Variants in JHY observed in about 807,000 individuals in gnomAD.
The protein encoded by JHY is jhy protein homolog.
Under a neutral mutation model 78.0 loss-of-function variants are expected in JHY, and 69 were observed. The observed-to-expected ratio is 0.88, with a 90% CI of 0.73 to 1.08. The LOEUF is 1.08. Ranked by LOEUF, JHY falls within the 50% of genes least tolerant of loss-of-function variation. The pLI is 0.00. For synonymous variants in JHY, 368 were observed against 342.6 expected (o/e 1.07, Z -0.82); for missense variants, 944 against 927.8 (o/e 1.02, Z -0.23).
chr11:122,915,638 A>G (rs1863218896), intron 3 of JHY, among the ~76,000 whole-genome samples: 2 of 151,910 alleles, frequency 1.3e-5, no homozygotes, highest in African/African-American at 2.4e-5. Flanking sequence ...TCAGCCTCCC[A>G]AGTAGCTGGG....
intron 1 of JHY, among the ~76,000 whole-genome samples, chr11:122,884,921 TC>T (rs1163680253): frequency 2.0e-5 from 3 of 151,458 alleles, no homozygotes; most frequent in Non-Finnish European, 4.4e-5. Flanking sequence ...CACCGCAGTC[TC>T]CCGAGTAGCT....
chr11:122,901,780 G>A (rs1862864822), intron 2 of JHY, among the ~76,000 whole-genome samples: 1 of 151,872 alleles, frequency 6.6e-6, no homozygotes, highest in African/African-American at 2.4e-5. Flanking sequence ...GGCTGAGGCA[G>A]GAGAATGGTG....
Position 122,934,426 on chromosome 11 carries a change from C to T in JHY, c.985C>T (p.Gln329Ter), listed in dbSNP as rs758165105. Residue 329 changes from glutamine (Q) to a stop codon, truncating the protein, a stop_gained, in exon 5 of 9, where the codon CAG becomes TAG. Coordinates refer to ENST00000227349, the MANE Select transcript of JHY (RefSeq NM_024806.4). LOFTEE classifies it high-confidence loss of function. ...HQRAQQLKNYQEHWSQYESTK... is the reference protein window; with the variant it reads ...HQRAQQLKNY ...ACCAAAAATATCTCTTTAGAATTAC[C>T]AGGAACACTGGTCTCAATATGAAAG... 1 of 1,591,100 alleles carries T rather than the reference C, an allele frequency of 6.3e-7. No individual in the cohort carries two copies. The highest frequency in any genetic ancestry group is 8.6e-7 in the Non-Finnish European group (1 of 1,166,364).
intron 6 of JHY, among the ~76,000 whole-genome samples, chr11:122,955,074 A>T (rs2135382368): frequency 6.6e-6 from 1 of 152,368 alleles, no homozygotes; most frequent in Admixed American, 6.5e-5. Flanking sequence ...AAAGGATGTG[A>T]GTTCCCTGTA....
chr11:122,886,688 T>A (rs987812777), intron 2 of JHY, among the ~76,000 whole-genome samples: 11 of 152,202 alleles, frequency 7.2e-5, no homozygotes, highest in Non-Finnish European at 1.5e-4. Context: ...CCTCAAGCAA[T>A]CCTTCCACTT....
chr11:122,954,591 G>A (rs1565339476), intron 6 of JHY, among the ~76,000 whole-genome samples: 1 of 152,162 alleles, frequency 6.6e-6, no homozygotes, highest in East Asian at 1.9e-4. Flanking sequence ...TTAGAAAAGG[G>A]CAAGTTAGAT....
intron 3 of JHY, among the ~76,000 whole-genome samples, chr11:122,923,202 C>G (rs1474639534): frequency 6.6e-6 from 1 of 152,172 alleles, no homozygotes; most frequent in African/African-American, 2.4e-5. Flanking sequence ...TTCCAGAGGG[C>G]AGAGGGATAG....
At chr11:122,957,270 G>C (rs1391038240) in intron 7 of JHY, 93 bp from the exon 8 acceptor site, 1 of 1,374,022 alleles carries the variant, frequency 7.3e-7, no homozygotes, top group African/African-American at 1.5e-5. Context: ...GATAAGATAC[G>C]CCCAGTATAC....
At chr11:122,942,946 C>G (rs1036662291) in intron 5 of JHY, among the ~76,000 whole-genome samples, 1 of 152,218 alleles carries the variant, frequency 6.6e-6, no homozygotes, top group African/African-American at 2.4e-5. Context: ...GTGATCCTAG[C>G]TCACTGCAGT....
At position 122,959,516 on chromosome 11, in the gene JHY, T is replaced by C. The variant is rs866806648; in HGVS notation, c.*71T>C. 1.2e-4 allele frequency: 162 copies of C among 1,392,218 alleles called. No homozygotes were observed. Among genetic ancestry groups the C allele is most frequent in the South Asian group, 7.7e-4 (62 of 80,234 alleles). 86.2% of individuals were successfully genotyped at this position (1,392,218 alleles called of 1,614,324 possible). On this transcript the variant is annotated 3_prime_UTR_variant, in exon 9 of 9. Coordinates refer to ENST00000227349, the MANE Select transcript of JHY (RefSeq NM_024806.4). ...GTGGAGAAAAGAAACGCCAACCACC[T>C]TCTCTGCGTTGAGAGTAATGGCCTA...
At chr11:122,892,045 GA>G (rs1862626678) in intron 2 of JHY, among the ~76,000 whole-genome samples, 1 of 152,112 alleles carries the variant, frequency 6.6e-6, no homozygotes, top group African/African-American at 2.4e-5. Context: ...AGAGTAGATA[GA>G]CATGAATTAT....
Position 122,885,821 on chromosome 11 carries a change from T to A in JHY, c.-29T>A. The A allele has an allele frequency of 1.3e-6, 2 of 1,524,290 alleles. No individual in the cohort carries two copies. Among genetic ancestry groups the A allele is most frequent in the African/African-American group, 1.4e-5 (1 of 72,732 alleles). 94.4% of individuals were successfully genotyped at this position (1,524,290 alleles called of 1,614,324 possible). ...CCAGCTGCTCCTATCAACACGAGTA[T>A]CCCCTGTTAATTTTTTGCATTTTTC... On this transcript the variant is annotated 5_prime_UTR_variant, in exon 2 of 9. Transcript: ENST00000227349.
chr11:122,956,240 T>TTA (rs1864187619), intron 6 of JHY, among the ~76,000 whole-genome samples: 1 of 152,124 alleles, frequency 6.6e-6, no homozygotes, highest in African/African-American at 2.4e-5. Flanking sequence ...ATTTCAGAAT[T>TTA]TTAAGTTTCT....
chr11:122,959,195 G>A, intron 8 of JHY, 53 bp from the exon 9 acceptor site: 1 of 1,538,602 alleles, frequency 6.5e-7, no homozygotes, highest in South Asian at 1.2e-5. Context: ...TTTAATTTAA[G>A]GAATCCAGGC....
chr11:122,900,026 G>A (rs937493241), intron 2 of JHY, among the ~76,000 whole-genome samples: 9 of 152,188 alleles, frequency 5.9e-5, no homozygotes, highest in African/African-American at 1.2e-4. Context: ...AAACCTCCCC[G>A]TCAAAGCCCC....
At chr11:122,928,512 C>T (rs1354338738) in intron 4 of JHY, among the ~76,000 whole-genome samples, 4 of 150,700 alleles carry the variant, frequency 2.7e-5, no homozygotes, top group African/African-American at 9.7e-5. Context: ...CTACTGCATT[C>T]CAGGCACTGT....
At chr11:122,949,573 C>T (rs6589961) in intron 6 of JHY, among the ~76,000 whole-genome samples, 77,659 of 151,968 alleles carry the variant, frequency 0.51, 20,460 homozygotes, top group Non-Finnish European at 0.58. Context: ...CCCAATCCTG[C>T]AGCTCCCATC....
chr11:122,956,621 ATCTG>A, intron 7 of JHY, 45 bp downstream of exon 7: 5 of 1,544,740 alleles, frequency 3.2e-6, no homozygotes, highest in South Asian at 1.1e-5. Context: ...GACTCAGCCC[ATCTG>A]TCTGTTAGGA....
At chr11:122,946,363 A>C in intron 5 of JHY, 135 bp from the exon 6 acceptor site, 1 of 921,562 alleles carries the variant, frequency 1.1e-6, no homozygotes, top group Non-Finnish European at 1.5e-6. Context: ...TCATGAAAAG[A>C]TTAAGCTAAA....
Sources: allele counts gnomAD v4.1 joint callset (sites outside exome capture counted in the v4.1 genomes callset), GRCh38; gene constraint gnomAD v4.1.1; transcripts MANE v1.5; gene names NCBI Gene and HGNC (gene_info 2026-07-23, HGNC 2026-07-21).